SLIT3: variants seen among roughly 807,000 people sequenced by gnomAD.
The protein encoded by SLIT3 is slit guidance ligand 3, also known as slit homolog 3 protein.
In SLIT3, 68 loss-of-function variants were observed where a neutral mutation model predicts 184.0. The ratio of observed to expected loss-of-function variants is 0.37; its 90% confidence interval spans 0.30 to 0.45. The LOEUF (loss-of-function observed/expected upper bound fraction) is 0.45, where lower values mean the gene tolerates loss of function less well. Among genes scored for constraint, SLIT3 ranks in the 20% least tolerant of loss-of-function variants. The pLI, the probability that SLIT3 is intolerant of heterozygous loss-of-function variation, is 1.00. For synonymous variants in SLIT3, 831 were observed against 828.6 expected, an observed-to-expected ratio of 1.00 and a Z score of -0.05; for missense variants, 1,707 against 2,026.0, an observed-to-expected ratio of 0.84 and a Z score of 3.02.
chr5:168,848,894 C>G (rs984468268), intron 5 of SLIT3, among the ~76,000 whole-genome samples: 1 of 152,106 alleles, frequency 6.6e-6, no homozygotes, highest in South Asian at 2.1e-4. Flanking sequence ...TGTGAAATTT[C>G]GTAATTGAAG....
intron 4 of SLIT3, among the ~76,000 whole-genome samples, chr5:169,018,858 G>T (rs954831405): frequency 6.6e-6 from 1 of 152,160 alleles, no homozygotes; most frequent in Non-Finnish European, 1.5e-5. Context: ...TCTTTGGAAC[G>T]GGAACACGCT....
intron 3 of SLIT3, among the ~76,000 whole-genome samples, chr5:169,225,158 T>C (rs1430032642): frequency 6.6e-6 from 1 of 152,214 alleles, no homozygotes; most frequent in Non-Finnish European, 1.5e-5. Context: ...AAGTCTTGTA[T>C]GACAACCAGG....
intron 4 of SLIT3, among the ~76,000 whole-genome samples, chr5:169,071,801 T>A (rs1246510969): frequency 1.3e-5 from 2 of 152,194 alleles, no homozygotes; most frequent in African/African-American, 4.8e-5. Flanking sequence ...AAATAGCCAC[T>A]CTTGCCTTAT....
chr5:168,966,852 T>C (rs1763212622), intron 4 of SLIT3, among the ~76,000 whole-genome samples: 2 of 152,202 alleles, frequency 1.3e-5, no homozygotes, highest in South Asian at 4.1e-4. Flanking sequence ...CTCTCATGCA[T>C]TTCTGGAAGG....
chr5:169,259,177 A>T (rs1372196272), intron 1 of SLIT3, among the ~76,000 whole-genome samples: 1 of 152,070 alleles, frequency 6.6e-6, no homozygotes, highest in Admixed American at 6.6e-5. Flanking sequence ...GGTTCAAGTG[A>T]TCCTCCCGAG....
chr5:169,224,382 TTTA>T (rs201892014), intron 3 of SLIT3, among the ~76,000 whole-genome samples: 1,150 of 79,998 alleles, frequency 0.014, 14 homozygotes, highest in African/African-American at 0.042. Context: ...TATTTATTTA[TTTA>T]TTTTTTTTGA....
At chr5:168,704,091 C>G (rs1455654496) in intron 26 of SLIT3, among the ~76,000 whole-genome samples, 7 of 150,972 alleles carry the variant, frequency 4.6e-5, no homozygotes, top group Non-Finnish European at 7.4e-5. Flanking sequence ...GTCCTGGGAG[C>G]TGATTAAAAA....
At chr5:169,128,129 C>T (rs1220948254) in intron 4 of SLIT3, among the ~76,000 whole-genome samples, 2 of 150,950 alleles carry the variant, frequency 1.3e-5, no homozygotes, top group Non-Finnish European at 3.0e-5. Flanking sequence ...TGAATGAAAG[C>T]ATATTAAAAA....
chr5:168,761,933 T>C (rs1386679422), intron 15 of SLIT3, among the ~76,000 whole-genome samples: 1 of 149,808 alleles, frequency 6.7e-6, no homozygotes, highest in Non-Finnish European at 1.5e-5. Context: ...TTTTTTTTTT[T>C]TTTTGTAGAG....
chr5:168,755,385 C>T (rs1031355767), intron 16 of SLIT3, among the ~76,000 whole-genome samples: 4 of 134,538 alleles, frequency 3.0e-5, no homozygotes, highest in East Asian at 2.2e-4. Flanking sequence ...CCCTCAGTGC[C>T]GCCATTTCTT....
At chr5:169,173,167 A>T (rs566675440) in intron 4 of SLIT3, among the ~76,000 whole-genome samples, 67 of 152,200 alleles carry the variant, frequency 4.4e-4, no homozygotes, top group Middle Eastern at 3.2e-3. Context: ...AGGTTGAGGC[A>T]GGATAATCGC....
intron 20 of SLIT3, among the ~76,000 whole-genome samples, chr5:168,732,457 A>G (rs1763314983): frequency 6.6e-6 from 1 of 152,252 alleles, no homozygotes; most frequent in African/African-American, 2.4e-5. Context: ...TTTTCACAGA[A>G]TTAGAAAAAA....
At chr5:169,292,401 A>G (rs1321042743) in intron 1 of SLIT3, among the ~76,000 whole-genome samples, 1 of 152,254 alleles carries the variant, frequency 6.6e-6, no homozygotes, top group Non-Finnish European at 1.5e-5. Context: ...GAGTATAGAG[A>G]AAATTTAGCA....
At chr5:168,781,651 A>G (rs1755975644) in intron 12 of SLIT3, among the ~76,000 whole-genome samples, 1 of 152,176 alleles carries the variant, frequency 6.6e-6, no homozygotes, top group Non-Finnish European at 1.5e-5. Flanking sequence ...ATGGACACAG[A>G]GCCGTGAATT....
intron 4 of SLIT3, among the ~76,000 whole-genome samples, chr5:168,984,864 T>C (rs1013288845): frequency 3.9e-5 from 6 of 152,208 alleles, no homozygotes; most frequent in Non-Finnish European, 8.8e-5. Flanking sequence ...ATTGCTGCTC[T>C]CTGCACCTCC....
intron 4 of SLIT3, among the ~76,000 whole-genome samples, chr5:169,176,269 C>G (rs1384003311): frequency 6.6e-6 from 1 of 152,168 alleles, no homozygotes; most frequent in East Asian, 1.9e-4. Context: ...CCTTCTTTTT[C>G]TCAGGAAACA....
intron 3 of SLIT3, among the ~76,000 whole-genome samples, chr5:169,198,025 CTG>C (rs1337052643): frequency 6.6e-6 from 1 of 152,220 alleles, no homozygotes; most frequent in Admixed American, 6.5e-5. Context: ...GTTCATTTAT[CTG>C]TACATCCAAC....
At chr5:168,937,798 G>T (rs886365233) in intron 4 of SLIT3, among the ~76,000 whole-genome samples, 8 of 152,034 alleles carry the variant, frequency 5.3e-5, no homozygotes, top group Non-Finnish European at 1.0e-4. Context: ...TATTTTTAAG[G>T]ACTAGAATAA....
intron 4 of SLIT3, among the ~76,000 whole-genome samples, chr5:169,156,461 G>A (rs1442271363): frequency 2.0e-5 from 3 of 152,186 alleles, no homozygotes; most frequent in Non-Finnish European, 4.4e-5. Flanking sequence ...CCTCGTGTTC[G>A]AGAAGCCTGG....
Sources: allele counts gnomAD v4.1 joint callset (sites outside exome capture counted in the v4.1 genomes callset), GRCh38; gene constraint gnomAD v4.1.1; transcripts MANE v1.5; gene names NCBI Gene and HGNC (gene_info 2026-07-23, HGNC 2026-07-21).